The following SF3B1 variants were observed in gnomAD, a reference collection of about 807,000 sequenced individuals.
SF3B1 encodes the protein pre-mRNA processing 10.
In SF3B1, 12 loss-of-function variants were observed where a neutral mutation model predicts 153.8. The observed-to-expected ratio is 0.08, with a 90% confidence interval of 0.05 to 0.13. SF3B1 has a LOEUF of 0.13. Ranked by LOEUF, SF3B1 falls within the 10% of genes least tolerant of loss-of-function variation. The pLI, the probability that SF3B1 is intolerant of heterozygous loss-of-function variation, is 1.00. For synonymous variants in SF3B1, 498 were observed against 525.2 expected (o/e 0.95, Z 0.71); for missense variants, 513 against 1,606.1 (o/e 0.32, Z 11.63).
intron 2 of SF3B1, among the ~76,000 whole-genome samples, chr2:197,423,528 A>G (rs1174030505): frequency 6.6e-6 from 1 of 152,218 alleles, no homozygotes; most frequent in Admixed American, 6.5e-5. Flanking sequence ...GATAGAGCTG[A>G]TAAGTAATGG....
intron 1 of SF3B1, among the ~76,000 whole-genome samples, chr2:197,426,647 T>C (rs1206834097): frequency 2.6e-5 from 4 of 152,204 alleles, no homozygotes; most frequent in East Asian, 3.9e-4. Flanking sequence ...AGAAATGACC[T>C]GGTGCACCTG....
At chr2:197,394,111 G>A (rs1262104457) in intron 23 of SF3B1, among the ~76,000 whole-genome samples, 2 of 152,052 alleles carry the variant, frequency 1.3e-5, no homozygotes, top group Non-Finnish European at 2.9e-5. Context: ...TTGAACCTGG[G>A]GGGTGGAGGT....
intron 11 of SF3B1, 60 bp downstream of exon 11, chr2:197,405,016 A>G (rs2084975180): frequency 3.3e-6 from 4 of 1,222,088 alleles, no homozygotes; most frequent in Non-Finnish European, 3.4e-6. Flanking sequence ...AAAAACTACA[A>G]ATTTTTTTTA....
chr2:197,402,299 A>C lies in SF3B1; in HGVS notation c.2078-169T>G. 1 of 770,642 alleles carries C rather than the reference A, an allele frequency of 1.3e-6. No homozygotes were observed. The highest frequency in any genetic ancestry group is 2.0e-6 in the Non-Finnish European group (1 of 490,032). 47.7% of individuals were successfully genotyped at this position (770,642 alleles called of 1,614,324 possible). ...GAACCATAGCCTGTCAGCAGATAAT[A>C]TAACAAACCCATCATAAAATCTATA... On this transcript the variant is annotated intron_variant, in intron 14 of 24. Coordinates refer to ENST00000335508, the MANE Select transcript of SF3B1 (RefSeq NM_012433.4). The surrounding 1 kb of genome is among the most constrained non-coding windows in gnomAD (Gnocchi z 4.6).
intron 9 of SF3B1, among the ~76,000 whole-genome samples, chr2:197,406,183 C>T (rs934452527): frequency 7.4e-5 from 11 of 148,562 alleles, no homozygotes; most frequent in Admixed American, 3.4e-4. Context: ...ATGGGAGGAA[C>T]GCTTGAGCCC....
At chr2:197,431,259 A>G (rs1453021367) in intron 1 of SF3B1, among the ~76,000 whole-genome samples, 1 of 151,958 alleles carries the variant, frequency 6.6e-6, no homozygotes, top group African/African-American at 2.4e-5. Flanking sequence ...CTGGGATCAC[A>G]GGCTCACGCC....
intron 20 of SF3B1, chr2:197,398,825 CAAA>C (rs965326670): frequency 7.9e-6 from 4 of 508,276 alleles, no homozygotes; most frequent in Non-Finnish European, 1.5e-5. Context: ...TACTCAATAA[CAAA>C]AAAGTTTTGT....
chr2:197,433,693 CCATTCA>C (rs1420151893), intron 1 of SF3B1, among the ~76,000 whole-genome samples: 2 of 152,154 alleles, frequency 1.3e-5, no homozygotes, highest in African/African-American at 4.8e-5. Flanking sequence ...CTATTCAAAG[CCATTCA>C]CATTCTGGTC....
At chr2:197,394,840 G>A (rs1014017536) in intron 23 of SF3B1, among the ~76,000 whole-genome samples, 2 of 152,130 alleles carry the variant, frequency 1.3e-5, no homozygotes, top group South Asian at 2.1e-4. Context: ...GGGAGGCAGA[G>A]GTTGCAGTAT....
chr2:197,407,823 T>C (rs2085014650), intron 9 of SF3B1, 175 bp downstream of exon 9: 2 of 536,726 alleles, frequency 3.7e-6, no homozygotes, highest in Admixed American at 6.5e-5. Context: ...AAAAGTTTCA[T>C]GTTGTTCATT....
At chr2:197,409,627 T>C in intron 7 of SF3B1, 143 bp downstream of exon 7, 1 of 718,266 alleles carries the variant, frequency 1.4e-6, no homozygotes, top group Non-Finnish European at 2.5e-6. Context: ...AAATTAGGCA[T>C]ATGAACTGTT....
At chr2:197,433,354 G>A (rs1344960556) in intron 1 of SF3B1, among the ~76,000 whole-genome samples, 1 of 152,138 alleles carries the variant, frequency 6.6e-6, no homozygotes, top group African/African-American at 2.4e-5. Flanking sequence ...AAAAATTCAG[G>A]AAAACTGATC....
chr2:197,392,343 T>A lies in SF3B1; in HGVS notation c.3875A>T (p.Lys1292Met). The part of the protein sequence containing the change: ...AHYPRIYNDD[K>M]NTYIRYELDY... ...AAGTTCATAACGAATATAGGTGTTC[T>A]TATCATCGTTGTAGATTCTTGGGTA... Residue 1292 changes from lysine (K) to methionine (M), a missense_variant, in exon 25 of 25, where the codon AAG becomes ATG. Transcript: ENST00000335508. 1 of 1,457,336 alleles carries A rather than the reference T, an allele frequency of 6.9e-7. No individual in the cohort carries two copies. The highest frequency in any genetic ancestry group is 1.1e-5 in the South Asian group (1 of 87,590). The allele number at this position is 1,457,336 out of a possible 1,614,324, so 90.3% of individuals were successfully genotyped here.
At chr2:197,406,306 T>C (rs974190106) in intron 9 of SF3B1, among the ~76,000 whole-genome samples, 1 of 151,986 alleles carries the variant, frequency 6.6e-6, no homozygotes, top group Non-Finnish European at 1.5e-5. Flanking sequence ...AATAAACCTA[T>C]ACACGTCTTC....
intron 6 of SF3B1, among the ~76,000 whole-genome samples, chr2:197,411,969 G>A (rs1355523710): frequency 6.6e-6 from 1 of 151,902 alleles, no homozygotes; most frequent in Non-Finnish European, 1.5e-5. Flanking sequence ...AAATAGCTGG[G>A]TGTGGTGGTG....
intron 6 of SF3B1, among the ~76,000 whole-genome samples, chr2:197,410,461 GTGTT>G (rs1461395516): frequency 6.8e-6 from 1 of 147,900 alleles, no homozygotes; most frequent in Non-Finnish European, 1.5e-5. Context: ...TTAATTGTGT[GTGTT>G]TAATTAATAT....
chr2:197,409,358 C>T (rs1247878776), intron 7 of SF3B1, among the ~76,000 whole-genome samples: 2 of 151,876 alleles, frequency 1.3e-5, no homozygotes, highest in African/African-American at 4.8e-5. Flanking sequence ...TGAGATCGCG[C>T]CATTGCATTC....
chr2:197,400,539 GT>G lies in SF3B1; in HGVS notation c.2719-106del, dbSNP rs372598612. Reference sequence around the variant, plus strand: ...TCTAACCACCCAAACATCTGTTGCTGTTTTTTTACATCAAATCTTAAAACTT... The same window carrying G: ...TCTAACCACCCAAACATCTGTTGCTGTTTTTTACATCAAATCTTAAAACTT... On this transcript the variant is annotated intron_variant, in intron 18 of 24. Transcript: ENST00000335508. This position sits in a 1 kb window ranked among gnomAD's most constrained non-coding sequence, Gnocchi z 5.0. 6 of 1,116,166 alleles carry G rather than the reference GT, an allele frequency of 5.4e-6. No individual in the cohort carries two copies. The highest frequency in any genetic ancestry group is 2.6e-5 in the Admixed American group (1 of 37,956). The allele number at this position is 1,116,166 out of a possible 1,614,324, so 69.1% of individuals were successfully genotyped here. A position where few individuals can be genotyped will look rare whatever the true frequency, so the allele number is the denominator to read the frequency against.
chr2:197,406,309 A>C (rs1210840610), intron 9 of SF3B1, among the ~76,000 whole-genome samples: 1 of 152,042 alleles, frequency 6.6e-6, no homozygotes, highest in African/African-American at 2.4e-5. Flanking sequence ...AAACCTATAC[A>C]CGTCTTCTCC....
Sources: allele counts gnomAD v4.1 joint callset (sites outside exome capture counted in the v4.1 genomes callset), GRCh38; gene constraint gnomAD v4.1.1; non-coding constraint Gnocchi (gnomAD v3.1); transcripts MANE v1.5; gene names NCBI Gene and HGNC (gene_info 2026-07-23, HGNC 2026-07-21).